LRRC1: variants seen among roughly 807,000 people sequenced by gnomAD.
LRRC1 encodes leucine rich repeat containing 1, also known as leucine-rich repeat-containing protein 1.
Under a neutral mutation model 69.9 loss-of-function variants are expected in LRRC1, and 28 were observed. That is an observed-to-expected ratio of 0.40 (90% confidence interval 0.30 to 0.55). The LOEUF is 0.55. Ranked by LOEUF, LRRC1 falls within the 20% of genes least tolerant of loss-of-function variation. LRRC1 has a pLI of 0.47. For synonymous variants in LRRC1, 236 were observed against 240.2 expected (o/e 0.98, Z 0.16); for missense variants, 498 against 609.0 (o/e 0.82, Z 1.92).
chr6:53,887,322 A>G (rs943565198), intron 4 of LRRC1, among the ~76,000 whole-genome samples: 5 of 152,238 alleles, frequency 3.3e-5, no homozygotes, highest in African/African-American at 1.2e-4. Flanking sequence ...ATGCTTTACC[A>G]AAAGAACTGG....
rs1465690215 is a variant in LRRC1, at chr6:53,904,462, G to A, written c.990G>A (p.Glu330=). The A allele has an allele frequency of 6.3e-7, 1 of 1,585,098 alleles. No individual in the cohort carries two copies. Among genetic ancestry groups the A allele is most frequent in the Non-Finnish European group, 8.6e-7 (1 of 1,159,814 alleles). The stretch of plus-strand genomic sequence containing the variant: ...ATAAATTAGTGTCCTTACCAAAAGA[G>A]GTATGTGCTTTTAGAGAAATCACAT... ...DRNKLVSLPK[E]IGGCCSLTVF... Residue 330 remains glutamate, a splice_region_variant and synonymous_variant, in exon 10 of 14, where the codon GAG becomes GAA. Transcript: ENST00000370888.
intron 8 of LRRC1, among the ~76,000 whole-genome samples, chr6:53,900,365 A>G (rs1284661711): frequency 6.6e-6 from 1 of 152,122 alleles, no homozygotes; most frequent in African/African-American, 2.4e-5. Context: ...GAAGGAAAGC[A>G]AAGAGTATTT....
rs187662630 is a variant in LRRC1 at position 53,810,575 on chromosome 6, C to T, written c.159+15160C>T. On this transcript the variant is annotated intron_variant, in intron 1 of 13. Coordinates refer to ENST00000370888, the MANE Select transcript of LRRC1 (RefSeq NM_018214.5). The stretch of plus-strand genomic sequence containing the variant: ...GTGGGGCTTGCAGTGAGCCGAGATC[C>T]GGCCACTGCACTCCAGCCTGGGCGA... Among the ~76,000 whole-genome samples the T allele has an allele frequency of 4.8e-4, 73 of 151,706 alleles. 1 individual carries two copies. The East Asian group carries it at 0.011, about 23-fold the overall frequency.
chr6:53,813,387 G>A (rs973900992), intron 1 of LRRC1, among the ~76,000 whole-genome samples: 5 of 152,116 alleles, frequency 3.3e-5, no homozygotes, highest in Non-Finnish European at 5.9e-5. Context: ...CTGTGGCAGC[G>A]CCAAGTGGGC....
intron 10 of LRRC1, among the ~76,000 whole-genome samples, chr6:53,910,357 A>G (rs1367959478): frequency 6.6e-6 from 1 of 152,192 alleles, no homozygotes; most frequent in Non-Finnish European, 1.5e-5. Context: ...CCTGATTACC[A>G]CTGAGAAACC....
intron 2 of LRRC1, among the ~76,000 whole-genome samples, chr6:53,860,318 C>T (rs78405509): frequency 0.19 from 28,995 of 152,170 alleles, 2,997 homozygotes; most frequent in Middle Eastern, 0.33. Flanking sequence ...TTGATGAATA[C>T]TTTGAAGGGG....
rs1767993919 is a variant in LRRC1 at position 53,899,907 on chromosome 6, C to G, written c.787+16C>G. The G allele has an allele frequency of 6.2e-7, 1 of 1,605,124 alleles. No homozygotes were observed. Among genetic ancestry groups the G allele is most frequent in the African/African-American group, 1.3e-5 (1 of 74,528 alleles). On this transcript the variant is annotated intron_variant, in intron 8 of 13. Transcript: ENST00000370888. ...GATGGCATTGGTAAGCATTGGAAAT[C>G]ACTAACTGCTAAACATACTGCCTGC...
At chr6:53,908,736 G>A (rs1303691174) in intron 10 of LRRC1, among the ~76,000 whole-genome samples, 1 of 152,140 alleles carries the variant, frequency 6.6e-6, no homozygotes, top group Non-Finnish European at 1.5e-5. Context: ...TCTTAAATGA[G>A]AGATCTGTCT....
At chr6:53,909,548 C>T (rs1768345560) in intron 10 of LRRC1, among the ~76,000 whole-genome samples, 1 of 151,500 alleles carries the variant, frequency 6.6e-6, no homozygotes, top group African/African-American at 2.4e-5. Flanking sequence ...ATTGTGCTTT[C>T]CTGTGCATGT....
At chr6:53,872,976 C>T (rs971376634) in intron 2 of LRRC1, among the ~76,000 whole-genome samples, 3 of 151,850 alleles carry the variant, frequency 2.0e-5, no homozygotes, top group Admixed American at 6.6e-5. Flanking sequence ...AATCTGGTCT[C>T]GAAATCCTGA....
intron 1 of LRRC1, among the ~76,000 whole-genome samples, chr6:53,830,948 TTATA>T (rs71676697): frequency 4.8e-5 from 7 of 146,018 alleles, no homozygotes; most frequent in Non-Finnish European, 7.5e-5. Flanking sequence ...TATTATAATT[TTATA>T]TATATATATA....
intron 1 of LRRC1, among the ~76,000 whole-genome samples, chr6:53,839,324 A>G (rs1197216861): frequency 2.0e-5 from 3 of 152,122 alleles, no homozygotes; most frequent in Non-Finnish European, 4.4e-5. Flanking sequence ...CTTTTTTACC[A>G]ACAAAAAAAA....
At position 53,834,940 on chromosome 6, in the gene LRRC1, C is replaced by T. The variant is rs1430164594; in HGVS notation, c.160-7170C>T. 3.9e-5 allele frequency among the ~76,000 whole-genome samples: 6 copies of T among 151,994 alleles called. No homozygotes were observed. The South Asian group carries it at 1.0e-3, about 26-fold the overall frequency. On this transcript the variant is annotated intron_variant, in intron 1 of 13. Coordinates refer to ENST00000370888, the MANE Select transcript of LRRC1 (RefSeq NM_018214.5). Reference sequence around the variant, plus strand: ...TCATGCCACTGCACTCCAGCCTGGGCGACAGAGCGAGACTCCGTCTCAAAA... The same window carrying T: ...TCATGCCACTGCACTCCAGCCTGGGTGACAGAGCGAGACTCCGTCTCAAAA...
At chr6:53,912,854 T>C (rs1407512806) in intron 10 of LRRC1, among the ~76,000 whole-genome samples, 2 of 152,156 alleles carry the variant, frequency 1.3e-5, no homozygotes, top group Non-Finnish European at 2.9e-5. Context: ...GAGACATCAA[T>C]AGGTTCCTTC....
rs532001914 is a variant in LRRC1 at position 53,885,666 on chromosome 6, A to G, written c.446+2690A>G. On this transcript the variant is annotated intron_variant, in intron 4 of 13. Coordinates refer to ENST00000370888, the MANE Select transcript of LRRC1 (RefSeq NM_018214.5). Reference sequence around the variant, plus strand: ...AGCACAGTAGTTGGCATTAAATGGGAAAGCTATGGATGTCTCAAGGACTTG... The same window carrying G: ...AGCACAGTAGTTGGCATTAAATGGGGAAGCTATGGATGTCTCAAGGACTTG... Among the ~76,000 whole-genome samples, 78 of 152,260 alleles carry G rather than the reference A, an allele frequency of 5.1e-4. 2 individuals carry two copies. Among genetic ancestry groups the G allele is most frequent in the African/African-American group, 1.7e-3 (72 of 41,552 alleles).
At position 53,872,752 on chromosome 6, in the gene LRRC1, CTTTTTTTTTTT is replaced by C. The variant is rs537186693; in HGVS notation, c.278-6230_278-6220del. 7.5e-3 allele frequency among the ~76,000 whole-genome samples: 800 copies of C among 106,370 alleles called. 4 individuals carry two copies. The highest frequency in any genetic ancestry group is 0.012 in the Non-Finnish European group (635 of 52,632). The allele number at this position is 106,370 out of a possible 152,430, so 69.8% of individuals were successfully genotyped here. A position where few individuals can be genotyped will look rare whatever the true frequency, so the allele number is the denominator to read the frequency against. On this transcript the variant is annotated intron_variant, in intron 2 of 13. Transcript: ENST00000370888. The stretch of plus-strand genomic sequence containing the variant: ...GACACTTTTAACAATTTTCTTTTCT[CTTTTTTTTTTT>C]TTTTTTTTTTGGAGACAGAGTCTTG...
chr6:53,824,526 A>T (rs1339824030), intron 1 of LRRC1, among the ~76,000 whole-genome samples: 1 of 152,010 alleles, frequency 6.6e-6, no homozygotes, highest in East Asian at 1.9e-4. Context: ...CTTTTGTCAC[A>T]ATTACTTTTG....
At chr6:53,841,734 T>C (rs1379729491) in intron 1 of LRRC1, among the ~76,000 whole-genome samples, 1 of 152,118 alleles carries the variant, frequency 6.6e-6, no homozygotes, top group African/African-American at 2.4e-5. Context: ...ATTTAAATAA[T>C]ATTTTTAAAA....
intron 2 of LRRC1, among the ~76,000 whole-genome samples, chr6:53,849,151 A>G (rs1766045976): frequency 6.6e-6 from 1 of 151,638 alleles, no homozygotes; most frequent in Non-Finnish European, 1.5e-5. Context: ...TAAGTCAACA[A>G]GTTCTTCATT....
Sources: allele counts gnomAD v4.1 joint callset (sites outside exome capture counted in the v4.1 genomes callset), GRCh38; gene constraint gnomAD v4.1.1; transcripts MANE v1.5; gene names NCBI Gene and HGNC (gene_info 2026-07-23, HGNC 2026-07-21).